The following ANKRD12 variants were observed in gnomAD, a reference collection of about 807,000 sequenced individuals.
ANKRD12 encodes ankyrin repeat domain 12.
Under a neutral mutation model 183.4 loss-of-function variants are expected in ANKRD12, and 85 were observed. The ratio of observed to expected loss-of-function variants is 0.46; its 90% CI spans 0.39 to 0.56. The LOEUF (loss-of-function observed/expected upper bound fraction) is 0.56, where lower values mean the gene tolerates loss of function less well. Ranked by LOEUF, ANKRD12 falls within the 20% of genes least tolerant of loss-of-function variation. The pLI, the probability that ANKRD12 is intolerant of heterozygous loss-of-function variation, is 0.00. For synonymous variants in ANKRD12, 914 were observed against 800.2 expected (o/e 1.14, Z -2.40); for missense variants, 2,405 against 2,357.1 (o/e 1.02, Z -0.42).
At chr18:9,143,603 G>A (rs902110895) in intron 1 of ANKRD12, among the ~76,000 whole-genome samples, 6 of 152,192 alleles carry the variant, frequency 3.9e-5, no homozygotes, top group Admixed American at 1.3e-4. Context: ...TGGGATTACA[G>A]GCGCTTGCCA....
At chr18:9,270,009 A>G (rs543606493) in intron 10 of ANKRD12, among the ~76,000 whole-genome samples, 1 of 152,388 alleles carries the variant, frequency 6.6e-6, no homozygotes, top group Non-Finnish European at 1.5e-5. Context: ...GACACATGAA[A>G]AAATGCTCAT....
At chr18:9,215,602 A>G (rs964068953) in intron 6 of ANKRD12, among the ~76,000 whole-genome samples, 3 of 152,144 alleles carry the variant, frequency 2.0e-5, no homozygotes, top group Admixed American at 1.3e-4. Context: ...CTCCAGGGAA[A>G]GGATTGTCAA....
rs1321852226 is a variant in ANKRD12, at chr18:9,285,593, G to A, written c.*4467G>A. 1 of 152,032 alleles carries A rather than the reference G, an allele frequency of 6.6e-6. No individual in the cohort carries two copies. The highest frequency in any genetic ancestry group is 1.5e-5 in the Non-Finnish European group (1 of 68,002). 9.4% of individuals were successfully genotyped at this position (152,032 alleles called of 1,614,324 possible). A position where few individuals can be genotyped will look rare whatever the true frequency, so the allele number is the denominator to read the frequency against. On this transcript the variant is annotated 3_prime_UTR_variant, in exon 13 of 13. Transcript: ENST00000262126. ...ATAAAATTACCCAGATCTTAACTAG[G>A]CAGTTTGATAAATCCTGACAAATGT...
chr18:9,148,699 C>CA (rs1167558360), intron 1 of ANKRD12, among the ~76,000 whole-genome samples: 1 of 152,112 alleles, frequency 6.6e-6, no homozygotes, highest in Non-Finnish European at 1.5e-5. Context: ...ATCCTCCCCC[C>CA]GCCACAATCT....
intron 10 of ANKRD12, among the ~76,000 whole-genome samples, chr18:9,267,613 T>C (rs1567997778): frequency 6.6e-6 from 1 of 150,976 alleles, no homozygotes; most frequent in African/African-American, 2.4e-5. Flanking sequence ...CTGGGACACA[T>C]TGAAAGCAGT....
intron 9 of ANKRD12, among the ~76,000 whole-genome samples, chr18:9,263,066 G>T (rs1177549926): frequency 6.6e-6 from 1 of 152,064 alleles, no homozygotes; most frequent in Non-Finnish European, 1.5e-5. Flanking sequence ...AAAGTGCTGG[G>T]ATTACAGGTG....
intron 9 of ANKRD12, 83 bp from the exon 10 acceptor site, chr18:9,263,707 C>G (rs780067128): frequency 1.9e-6 from 2 of 1,067,528 alleles, no homozygotes; most frequent in East Asian, 3.1e-5. Flanking sequence ...TTTTTATGCA[C>G]TAAAAGGGTT....
At chr18:9,211,048 G>A (rs940399355) in intron 5 of ANKRD12, among the ~76,000 whole-genome samples, 7 of 151,748 alleles carry the variant, frequency 4.6e-5, no homozygotes, top group Non-Finnish European at 7.4e-5. Context: ...ATCAAAATAT[G>A]AGAATCAAGG....
At position 9,283,667 on chromosome 18, in the gene ANKRD12, G is replaced by A. The variant is rs1018341369; in HGVS notation, c.*2541G>A. 2 of 152,506 alleles carry A rather than the reference G, an allele frequency of 1.3e-5. No individual in the cohort carries two copies. Among genetic ancestry groups the A allele is most frequent in the African/African-American group, 4.8e-5 (2 of 41,408 alleles). 9.4% of individuals were successfully genotyped at this position (152,506 alleles called of 1,614,324 possible). A position where few individuals can be genotyped will look rare whatever the true frequency, so the allele number is the denominator to read the frequency against. ...AACAAGATACTAAATTGTACCTAAGGATTTGTATTTCTTTACAATTTGTTC... is the reference window on the plus strand; with the variant it reads ...AACAAGATACTAAATTGTACCTAAGAATTTGTATTTCTTTACAATTTGTTC... On this transcript the variant is annotated 3_prime_UTR_variant, in exon 13 of 13. Coordinates refer to ENST00000262126, the MANE Select transcript of ANKRD12 (RefSeq NM_015208.5).
intron 1 of ANKRD12, among the ~76,000 whole-genome samples, chr18:9,181,726 G>T (rs1315568456): frequency 6.6e-6 from 1 of 152,150 alleles, no homozygotes; most frequent in African/African-American, 2.4e-5. Flanking sequence ...ATTTTTTCTG[G>T]ATCGTTCAGG....
chr18:9,249,292 A>G (rs371642774), intron 8 of ANKRD12, among the ~76,000 whole-genome samples: 3 of 152,202 alleles, frequency 2.0e-5, no homozygotes, highest in African/African-American at 7.2e-5. Flanking sequence ...TTCACCGAAC[A>G]TAATATAACA....
chr18:9,273,789 C>G (rs142130914), intron 10 of ANKRD12, among the ~76,000 whole-genome samples: 2 of 152,328 alleles, frequency 1.3e-5, no homozygotes, highest in East Asian at 1.9e-4. Context: ...TTAAGGTCAC[C>G]TTAGCCTCCC....
intron 1 of ANKRD12, among the ~76,000 whole-genome samples, chr18:9,172,025 C>CAAA (rs60328704): frequency 7.9e-5 from 10 of 125,828 alleles, no homozygotes; most frequent in South Asian, 2.5e-4. Context: ...AGCTCCACCT[C>CAAA]AAAAAAAAAA....
intron 10 of ANKRD12, among the ~76,000 whole-genome samples, chr18:9,272,202 G>A (rs1441937187): frequency 6.6e-6 from 1 of 152,180 alleles, no homozygotes; most frequent in Non-Finnish European, 1.5e-5. Flanking sequence ...TAGATTGTCA[G>A]GTAAGCAACA....
chr18:9,158,064 T>C (rs1284029706), intron 1 of ANKRD12, among the ~76,000 whole-genome samples: 2 of 152,142 alleles, frequency 1.3e-5, no homozygotes, highest in African/African-American at 4.8e-5. Flanking sequence ...CTGAAGAGGA[T>C]GGAGTCGTTG....
Position 9,211,892 on chromosome 18 carries a change from C to T in ANKRD12, c.652+108C>T. The stretch of plus-strand genomic sequence containing the variant: ...TTCATTTTGCTGAAATGAAAGAGTT[C>T]TAAAAATACTCTTTATTACAAAACT... On this transcript the variant is annotated intron_variant, in intron 6 of 12. Coordinates refer to ENST00000262126, the MANE Select transcript of ANKRD12 (RefSeq NM_015208.5). 4 of 949,244 alleles carry T rather than the reference C, an allele frequency of 4.2e-6. No individual in the cohort carries two copies. The East Asian group carries it at 1.0e-4, about 25-fold the overall frequency. 58.8% of individuals were successfully genotyped at this position (949,244 alleles called of 1,614,324 possible). A position where few individuals can be genotyped will look rare whatever the true frequency, so the allele number is the denominator to read the frequency against.
chr18:9,256,773 C>G lies in ANKRD12; in HGVS notation c.3506C>G (p.Thr1169Ser), dbSNP rs756142461. The change falls in exon 9 of 13, where the codon ACC becomes AGC. Residue 1169 changes from threonine to serine, a missense_variant. Transcript: ENST00000262126. ...AVSNRSQSVD[T>S]KNVMTLGKSS... ...AGTAACAGATCACAATCTGTTGACA[C>G]CAAAAATGTAATGACTTTAGGGAAG... The G allele has an allele frequency of 6.2e-7, 1 of 1,613,814 alleles. No homozygotes were observed. Among genetic ancestry groups the G allele is most frequent in the East Asian group, 2.2e-5 (1 of 44,882 alleles).
intron 3 of ANKRD12, among the ~76,000 whole-genome samples, chr18:9,198,061 C>T (rs191397247): frequency 7.2e-5 from 11 of 152,074 alleles, no homozygotes; most frequent in Non-Finnish European, 1.2e-4. Context: ...GAATTCAGTA[C>T]CATTAAGTGA....
At chr18:9,152,208 A>C (rs1025180840) in intron 1 of ANKRD12, among the ~76,000 whole-genome samples, 1 of 152,144 alleles carries the variant, frequency 6.6e-6, no homozygotes, top group Admixed American at 6.5e-5. Flanking sequence ...TAAAACACTT[A>C]AAGAAAGGGG....
Sources: allele counts gnomAD v4.1 joint callset (sites outside exome capture counted in the v4.1 genomes callset), GRCh38; gene constraint gnomAD v4.1.1; transcripts MANE v1.5; gene names NCBI Gene and HGNC (gene_info 2026-07-23, HGNC 2026-07-21).